The following AK3 variants were observed in gnomAD, a reference collection of about 807,000 sequenced individuals.
AK3 encodes GTP:AMP phosphotransferase AK3, mitochondrial.
Under a neutral mutation model 23.7 loss-of-function variants are expected in AK3, and 27 were observed. The observed-to-expected ratio is 1.14, with a 90% CI of 0.84 to 1.57. The LOEUF is 1.57. Ranked by LOEUF, AK3 falls within the 40% of genes most tolerant of loss-of-function variation. The pLI is 0.00. For missense variants in AK3, 406 were observed against 285.6 expected (o/e 1.42, Z -3.04); for synonymous variants, 159 against 116.0 (o/e 1.37, Z -2.38).
intron 1 of AK3, among the ~76,000 whole-genome samples, chr9:4,724,005 C>A (rs148638908): frequency 2.6e-5 from 4 of 152,236 alleles, no homozygotes; most frequent in African/African-American, 9.6e-5. Flanking sequence ...AGATTTTTAA[C>A]CAAGAACAGA....
chr9:4,728,368 C>G (rs556245402), intron 1 of AK3, among the ~76,000 whole-genome samples: 3 of 152,186 alleles, frequency 2.0e-5, no homozygotes, highest in African/African-American at 4.8e-5. Flanking sequence ...GTCAGGAGTT[C>G]GAGACCAGCC....
intron 1 of AK3, among the ~76,000 whole-genome samples, chr9:4,735,097 A>G (rs1288284359): frequency 2.6e-5 from 4 of 151,172 alleles, no homozygotes; most frequent in Non-Finnish European, 5.9e-5. Context: ...AAGAAAAAAT[A>G]TTAATTTTTT....
intron 1 of AK3, among the ~76,000 whole-genome samples, chr9:4,733,423 C>T (rs754346950): frequency 2.0e-5 from 3 of 152,230 alleles, no homozygotes; most frequent in East Asian, 1.9e-4. Context: ...GGAAGGGGAA[C>T]GGGAGGGCCC....
At chr9:4,732,185 G>A (rs978432370) in intron 1 of AK3, among the ~76,000 whole-genome samples, 3 of 152,158 alleles carry the variant, frequency 2.0e-5, no homozygotes, top group African/African-American at 7.2e-5. Context: ...CTGGGCTTAA[G>A]TGATCCTCCC....
At chr9:4,719,724 G>A (rs1841842216) in intron 2 of AK3, among the ~76,000 whole-genome samples, 1 of 152,242 alleles carries the variant, frequency 6.6e-6, no homozygotes, top group African/African-American at 2.4e-5. Context: ...CTGGGACACA[G>A]GACTTTTCCC....
chr9:4,713,901 TAC>T, intron 4 of AK3, among the ~76,000 whole-genome samples: 2 of 548 alleles, frequency 3.6e-3, no homozygotes, highest in African/African-American at 0.015. Context: ...TGCGTACACC[TAC>T]GCCTACACAT....
chr9:4,715,216 CAAAAAAAAA>C (rs1237615381), intron 4 of AK3, among the ~76,000 whole-genome samples: 1 of 56,982 alleles, frequency 1.8e-5, no homozygotes, highest in Non-Finnish European at 3.4e-5. Context: ...GACTCCGTCT[CAAAAAAAAA>C]AAAAAAAAAA....
rs138097887 is a variant in AK3 at position 4,712,385 on chromosome 9, T to C, written c.*591A>G. 1 of 152,184 alleles carries C rather than the reference T, an allele frequency of 6.6e-6. No homozygotes were observed. Among genetic ancestry groups the C allele is most frequent in the African/African-American group, 2.4e-5 (1 of 41,448 alleles). The allele number at this position is 152,184 out of a possible 1,614,324, so 9.4% of individuals were successfully genotyped here. A position where few individuals can be genotyped will look rare whatever the true frequency, so the allele number is the denominator to read the frequency against. On this transcript the variant is annotated 3_prime_UTR_variant, in exon 5 of 5. Transcript: ENST00000381809. ...AGCAAATTGAAAATTCTGAGTAAAC[T>C]GAAAGTATGCTTAACGACAAAATAA...
intron 4 of AK3, among the ~76,000 whole-genome samples, chr9:4,717,243 T>C (rs1045756105): frequency 3.3e-5 from 5 of 152,176 alleles, no homozygotes; most frequent in South Asian, 4.1e-4. Context: ...AGGATCAGTA[T>C]TCAATAAGTA....
intron 2 of AK3, among the ~76,000 whole-genome samples, chr9:4,720,739 G>C (rs1841874912): frequency 6.6e-6 from 1 of 150,870 alleles, no homozygotes; most frequent in South Asian, 2.1e-4. Flanking sequence ...TAATTTGTTA[G>C]AGCAAAAATA....
intron 1 of AK3, among the ~76,000 whole-genome samples, chr9:4,728,190 T>G (rs7042425): frequency 6.6e-6 from 1 of 152,216 alleles, no homozygotes; most frequent in African/African-American, 2.4e-5. Context: ...CCAATAGCCT[T>G]GCTTGACACA....
Position 4,722,515 on chromosome 9 carries a change from G to C in AK3, c.262C>G (p.Leu88Val). 6.2e-7 allele frequency: 1 copy of C among 1,614,156 alleles called. No individual in the cohort carries two copies. Among genetic ancestry groups the C allele is most frequent in the East Asian group, 2.2e-5 (1 of 44,884 alleles). The change falls in exon 2 of 5, where the codon CTG becomes GTG. Residue 88 changes from leucine (L) to valine (V), a missense_variant. Transcript: ENST00000381809. The stretch of plus-strand genomic sequence containing the variant: ...ATGAGACTCCACTTACCATCCAACA[G>C]CCAGCTATACTGGGTGAGATTTTTC... ...ELKNLTQYSWLLDGFPRTLPQ... is the reference protein window; with the variant it reads ...ELKNLTQYSWVLDGFPRTLPQ...
chr9:4,734,378 C>T, intron 1 of AK3, among the ~76,000 whole-genome samples: 1 of 152,182 alleles, frequency 6.6e-6, no homozygotes, highest in East Asian at 1.9e-4. Flanking sequence ...CACACATGTC[C>T]ATCTGCCCTC....
intron 4 of AK3, 45 bp downstream of exon 4, chr9:4,718,374 T>A (rs1161438511): frequency 7.1e-7 from 1 of 1,406,248 alleles, no homozygotes; most frequent in African/African-American, 1.4e-5. Context: ...AAACTAGACT[T>A]AGTGCACCAC....
chr9:4,735,462 ATG>A lies in AK3; in HGVS notation c.151+5473_151+5474del, dbSNP rs199886005. Among the ~76,000 whole-genome samples the A allele has an allele frequency of 1.2e-3, 93 of 78,532 alleles. 7 individuals carry two copies. The highest frequency in any genetic ancestry group is 6.4e-3 in the Middle Eastern group (1 of 156). The allele number at this position is 78,532 out of a possible 152,430, so 51.5% of individuals were successfully genotyped here. On this transcript the variant is annotated intron_variant, in intron 1 of 4. Coordinates refer to ENST00000381809, the MANE Select transcript of AK3 (RefSeq NM_016282.4). ...ACATATATAAATATATACATAGTAT[ATG>A]TGTATATATATATATTTTTTTTTTT...
At position 4,712,878 on chromosome 9, in the gene AK3, G is replaced by A. The variant is rs1841598447; in HGVS notation, c.*98C>T. 7.5e-7 allele frequency: 1 copy of A among 1,338,496 alleles called. No homozygotes were observed. Among genetic ancestry groups the A allele is most frequent in the East Asian group, 2.3e-5 (1 of 42,566 alleles). 82.9% of individuals were successfully genotyped at this position (1,338,496 alleles called of 1,614,324 possible). ...AAATAAAAGTAATATAATTTTCAAA[G>A]AATTCATACATACTAGAAGTCTTAG... On this transcript the variant is annotated 3_prime_UTR_variant, in exon 5 of 5. Coordinates refer to ENST00000381809, the MANE Select transcript of AK3 (RefSeq NM_016282.4).
At chr9:4,722,053 T>C (rs1841911817) in intron 2 of AK3, among the ~76,000 whole-genome samples, 1 of 152,190 alleles carries the variant, frequency 6.6e-6, no homozygotes, top group South Asian at 2.1e-4. Flanking sequence ...AGAAAAGGCT[T>C]ATCCCAAGTT....
rs1250902590 is a variant in AK3 at position 4,722,611 on chromosome 9, C to T, written c.166G>A (p.Ala56Thr). The change falls in exon 2 of 5, where the codon GCC (alanine) becomes ACC (threonine). Residue 56 changes from alanine (A) to threonine (T), a missense_variant. Ala to Thr is a moderately conservative substitution (Grantham distance 58). Transcript: ENST00000381809. ...TTCCCTTGGTCAATGAAAGCCTTGG[C>T]TAACACGCCAATTTCTACAGCAAAG... Reference protein sequence around the residue: ...MLRGTEIGVLAKAFIDQGKLI... With the variant: ...MLRGTEIGVLTKAFIDQGKLI... 4 of 1,614,164 alleles carry T rather than the reference C, an allele frequency of 2.5e-6. No homozygotes were observed. Among genetic ancestry groups the T allele is most frequent in the Non-Finnish European group, 3.4e-6 (4 of 1,180,012 alleles).
chr9:4,725,817 G>C (rs992463969), intron 1 of AK3, among the ~76,000 whole-genome samples: 3 of 152,130 alleles, frequency 2.0e-5, no homozygotes, highest in Non-Finnish European at 4.4e-5. Context: ...ATGAACACAT[G>C]ATCAACGTCC....
Sources: gnomAD v4.1 joint callset for allele counts (sites outside exome capture counted in the v4.1 genomes callset) on GRCh38, gnomAD v4.1.1 for gene constraint, MANE v1.5 for transcripts, NCBI Gene and HGNC (gene_info 2026-07-23, HGNC 2026-07-21) for gene names.